The following CTNND2 variants were observed in gnomAD, a reference collection of about 807,000 sequenced individuals.
The protein encoded by CTNND2 is catenin delta-2.
A neutral mutation model predicts 144.4 loss-of-function variants in CTNND2; 22 were observed. That is an observed-to-expected ratio of 0.15 (90% CI 0.11 to 0.22). The LOEUF is 0.22. Ranked by LOEUF, CTNND2 falls within the 10% of genes least tolerant of loss-of-function variation. The pLI is 1.00. For synonymous variants in CTNND2, 751 were observed against 695.6 expected (o/e 1.08, Z -1.25); for missense variants, 1,353 against 1,618.8 (o/e 0.84, Z 2.82).
chr5:11,388,545 C>A (rs555546064), intron 6 of CTNND2, among the ~76,000 whole-genome samples: 1 of 152,384 alleles, frequency 6.6e-6, no homozygotes, highest in East Asian at 1.9e-4. Flanking sequence ...TACTCCATTT[C>A]AATGGCTTAT....
At chr5:11,419,994 A>G (rs1762238233) in intron 3 of CTNND2, among the ~76,000 whole-genome samples, 1 of 152,162 alleles carries the variant, frequency 6.6e-6, no homozygotes, top group Non-Finnish European at 1.5e-5. Flanking sequence ...TACCTAAAAC[A>G]TAAGCCAGAG....
At chr5:11,355,234 C>T (rs1466966942) in intron 8 of CTNND2, among the ~76,000 whole-genome samples, 1 of 151,790 alleles carries the variant, frequency 6.6e-6, no homozygotes, top group African/African-American at 2.4e-5. Context: ...AAGAAGAAAA[C>T]AATAAAGGTG....
intron 2 of CTNND2, among the ~76,000 whole-genome samples, chr5:11,685,813 G>T (rs973071446): frequency 2.0e-5 from 3 of 152,178 alleles, no homozygotes; most frequent in Admixed American, 1.3e-4. Flanking sequence ...CAGTCTAGAG[G>T]TGAGGAAATG....
intron 2 of CTNND2, among the ~76,000 whole-genome samples, chr5:11,659,235 G>C (rs749307284): frequency 5.9e-5 from 9 of 152,060 alleles, no homozygotes; most frequent in Non-Finnish European, 1.0e-4. Flanking sequence ...AAGTAATATA[G>C]AGATGATCTG....
At chr5:11,531,767 T>C (rs1433581194) in intron 3 of CTNND2, among the ~76,000 whole-genome samples, 1 of 152,244 alleles carries the variant, frequency 6.6e-6, no homozygotes, top group Non-Finnish European at 1.5e-5. Flanking sequence ...CATTTTGATA[T>C]ATGCTTTTTC....
intron 6 of CTNND2, among the ~76,000 whole-genome samples, chr5:11,390,078 G>A (rs1759502380): frequency 6.6e-6 from 1 of 152,162 alleles, no homozygotes; most frequent in South Asian, 2.1e-4. Flanking sequence ...AACAAGGGAT[G>A]CTTGACCTGT....
At chr5:11,285,793 G>A (rs147911304) in intron 9 of CTNND2, among the ~76,000 whole-genome samples, 3 of 85,036 alleles carry the variant, frequency 3.5e-5, no homozygotes, top group Non-Finnish European at 8.1e-5. Flanking sequence ...GCTACCCATA[G>A]GAACTAAGGA....
At chr5:11,012,028 C>G (rs2149525429) in intron 18 of CTNND2, among the ~76,000 whole-genome samples, 1 of 152,284 alleles carries the variant, frequency 6.6e-6, no homozygotes, top group Admixed American at 6.5e-5. Flanking sequence ...AGATCCAAAC[C>G]TTCAGCTGCC....
intron 2 of CTNND2, among the ~76,000 whole-genome samples, chr5:11,719,587 G>C (rs1786544134): frequency 6.6e-6 from 1 of 152,058 alleles, no homozygotes; most frequent in South Asian, 2.1e-4. Context: ...ATGTTGTCAA[G>C]ATTAAAAAAT....
rs371487273 is a variant in CTNND2 at position 11,487,061 on chromosome 5, AT to A, written c.288-74993del. 5.1e-4 allele frequency among the ~76,000 whole-genome samples: 78 copies of A among 152,272 alleles called. 1 individual carries two copies. In the East Asian group the frequency reaches 0.013, roughly 26 times the overall value. ...ACTGAAAATACAAAATGAGTTACATATTTTTTATTCACTTTTGTATTGGTAA... is the reference window on the plus strand; with the variant it reads ...ACTGAAAATACAAAATGAGTTACATATTTTTATTCACTTTTGTATTGGTAA... On this transcript the variant is annotated intron_variant, in intron 3 of 21. Transcript: ENST00000304623.
intron 1 of CTNND2, among the ~76,000 whole-genome samples, chr5:11,893,541 C>G (rs1163732512): frequency 1.3e-5 from 2 of 152,158 alleles, no homozygotes; most frequent in African/African-American, 2.4e-5. Flanking sequence ...TACCTTGCAC[C>G]TTTCCACTTC....
In CTNND2 at chr5:11,739,953, A is replaced by G. The variant is rs368107368; in HGVS notation, c.38-7681T>C. On this transcript the variant is annotated intron_variant, in intron 1 of 21. Transcript: ENST00000304623. ...TCCCATTCACAATTGCTTCAAAGAG[A>G]ATAAAAAACCTAGGAATCCAACTTA... Among the ~76,000 whole-genome samples the G allele has an allele frequency of 1.2e-4, 19 of 152,160 alleles. No individual in the cohort carries two copies. The East Asian group carries it at 3.5e-3, about 28-fold the overall frequency.
At chr5:11,708,295 A>G (rs2126685601) in intron 2 of CTNND2, among the ~76,000 whole-genome samples, 1 of 152,290 alleles carries the variant, frequency 6.6e-6, no homozygotes, top group Admixed American at 6.5e-5. Context: ...ATTGTATTTA[A>G]TTTTTACTAT....
chr5:11,724,334 G>A (rs910247132), intron 2 of CTNND2, among the ~76,000 whole-genome samples: 8 of 152,174 alleles, frequency 5.3e-5, no homozygotes, highest in African/African-American at 1.7e-4. Flanking sequence ...TTTTCAATAT[G>A]AGCAGAGCTC....
At chr5:11,135,941 A>G (rs969596866) in intron 12 of CTNND2, among the ~76,000 whole-genome samples, 3 of 152,236 alleles carry the variant, frequency 2.0e-5, no homozygotes, top group Non-Finnish European at 1.5e-5. Context: ...GGCTACTGCT[A>G]TCATCTGAAT....
intron 1 of CTNND2, among the ~76,000 whole-genome samples, chr5:11,757,779 A>G (rs4235610): frequency 0.98 from 148,768 of 152,058 alleles, 72,850 homozygotes; most frequent in East Asian, 1. Flanking sequence ...GACTTGTCAA[A>G]GTAGTGTTGT....
At chr5:11,762,625 C>A (rs752135628) in intron 1 of CTNND2, among the ~76,000 whole-genome samples, 1 of 152,144 alleles carries the variant, frequency 6.6e-6, no homozygotes, top group South Asian at 2.1e-4. Context: ...CCTTTGCTTG[C>A]TTTTATGCAT....
intron 18 of CTNND2, among the ~76,000 whole-genome samples, chr5:11,005,940 G>A (rs1184113445): frequency 6.6e-6 from 1 of 152,178 alleles, no homozygotes; most frequent in African/African-American, 2.4e-5. Context: ...TTCTGCACAT[G>A]TATCCCAGAA....
At chr5:11,135,266 G>C (rs191602025) in intron 12 of CTNND2, among the ~76,000 whole-genome samples, 1 of 152,244 alleles carries the variant, frequency 6.6e-6, no homozygotes, top group East Asian at 1.9e-4. Flanking sequence ...ATGACTTCAT[G>C]GGGGAAAATG....
Sources: allele counts gnomAD v4.1 joint callset (sites outside exome capture counted in the v4.1 genomes callset), GRCh38; gene constraint gnomAD v4.1.1; transcripts MANE v1.5; gene names NCBI Gene and HGNC (gene_info 2026-07-23, HGNC 2026-07-21).